The following GLYATL1 variants were observed in gnomAD, a reference collection of about 807,000 sequenced individuals.
GLYATL1 encodes the protein glycine-N-acyltransferase like 1.
GLYATL1 carries 15 observed loss-of-function variants against 20.0 expected under a neutral mutation model. The ratio of observed to expected loss-of-function variants is 0.75; its 90% confidence interval spans 0.50 to 1.15. The LOEUF (loss-of-function observed/expected upper bound fraction) is 1.15, where lower values mean the gene tolerates loss of function less well. Ranked by LOEUF, GLYATL1 falls within the 50% of genes most tolerant of loss-of-function variation. The probability of loss-of-function intolerance (pLI) is 0.00; values close to 1 mark genes in which losing one functional copy is unlikely to be tolerated. For missense variants in GLYATL1, 380 were observed against 368.5 expected (o/e 1.03, Z -0.26); for synonymous variants, 151 against 131.5 (o/e 1.15, Z -1.01).
Position 58,947,136 on chromosome 11 carries a change from T to A in GLYATL1, c.49T>A (p.Leu17Met), listed in dbSNP as rs1305320009. ...SHKLLALYKSLARSIPESLKV... is the reference protein window; with the variant it reads ...SHKLLALYKSMARSIPESLKV... The stretch of plus-strand genomic sequence containing the variant: ...TAAGCTGCTGGCCCTATACAAATCC[T>A]TGGCCAGGAGCATCCCTGAGTCCCT... Residue 17 changes from leucine (L) to methionine (M), a missense_variant, in exon 3 of 7, where the codon TTG becomes ATG. Physicochemically the swap from Leu to Met is conservative, Grantham distance 15. Coordinates refer to ENST00000532726, the MANE Select transcript of GLYATL1 (RefSeq NM_001389712.2). 1 of 1,613,748 alleles carries A rather than the reference T, an allele frequency of 6.2e-7. No individual in the cohort carries two copies. Among genetic ancestry groups the A allele is most frequent in the Non-Finnish European group, 8.5e-7 (1 of 1,179,776 alleles).
upstream of GLYATL1, among the ~76,000 whole-genome samples, chr11:58,925,838 C>T (rs550833588): frequency 6.6e-6 from 1 of 152,172 alleles, no homozygotes; most frequent in South Asian, 2.1e-4. Context: ...TGATTTTTTA[C>T]TATTGCTTGA....
At chr11:58,934,381 G>C (rs907842339) in intron 1 of GLYATL1, 1 of 152,614 alleles carries the variant, frequency 6.6e-6, no homozygotes, top group Admixed American at 6.5e-5. Flanking sequence ...AACCAGCCTG[G>C]AGTCTGATGC....
At chr11:58,941,862 A>C (rs1473141441) in intron 1 of GLYATL1, among the ~76,000 whole-genome samples, 1 of 152,210 alleles carries the variant, frequency 6.6e-6, no homozygotes, top group Non-Finnish European at 1.5e-5. Flanking sequence ...CAGGAGTTGC[A>C]CAAAGACATG....
At chr11:58,955,045 A>G (rs559219430) in intron 5 of GLYATL1, 131 bp from the exon 6 acceptor site, 6 of 1,217,454 alleles carry the variant, frequency 4.9e-6, no homozygotes, top group South Asian at 4.4e-5. Flanking sequence ...GTGGTGTGAC[A>G]AGGACTCCAT....
At chr11:58,917,996 C>A (rs1203968941) in intron 1 of GLYATL1, among the ~76,000 whole-genome samples, 2 of 152,058 alleles carry the variant, frequency 1.3e-5, no homozygotes, top group Non-Finnish European at 1.5e-5. Context: ...GCCTCATTTC[C>A]CCCCTTTGAT....
chr11:58,953,202 T>C (rs1300029164), intron 4 of GLYATL1, among the ~76,000 whole-genome samples: 1 of 152,248 alleles, frequency 6.6e-6, no homozygotes, highest in Non-Finnish European at 1.5e-5. Flanking sequence ...TCATTTCTGA[T>C]ATTTTCTATT....
At chr11:58,920,754 T>A (rs1354516612) in intron 1 of GLYATL1, among the ~76,000 whole-genome samples, 1 of 152,200 alleles carries the variant, frequency 6.6e-6, no homozygotes, top group African/African-American at 2.4e-5. Flanking sequence ...ACCTAAGGTG[T>A]CCCCTTTGGT....
chr11:58,950,469 A>G (rs1255629274), intron 4 of GLYATL1, among the ~76,000 whole-genome samples: 3 of 152,192 alleles, frequency 2.0e-5, no homozygotes, highest in Non-Finnish European at 2.9e-5. Flanking sequence ...TTAGTCAATC[A>G]TTCTCCTGCT....
At chr11:58,917,249 G>C (rs1167484078) in intron 1 of GLYATL1, 2 of 152,260 alleles carry the variant, frequency 1.3e-5, no homozygotes, top group Non-Finnish European at 2.9e-5. Context: ...TCCTCCCCTT[G>C]ACTCCCCTGG....
intron 6 of GLYATL1, 75 bp from the exon 7 acceptor site, chr11:58,955,535 C>T: frequency 6.7e-7 from 1 of 1,494,202 alleles, no homozygotes; most frequent in Non-Finnish European, 9.1e-7. Flanking sequence ...TTCCTGGGAT[C>T]TCTAGATTGG....
intron 1 of GLYATL1, among the ~76,000 whole-genome samples, chr11:58,929,774 C>T (rs567958913): frequency 1.2e-4 from 19 of 152,326 alleles, no homozygotes; most frequent in Admixed American, 4.6e-4. Flanking sequence ...TCTGTACAGT[C>T]CTCTCCTGCC....
intron 2 of GLYATL1, among the ~76,000 whole-genome samples, chr11:58,945,502 G>T (rs502231): frequency 0.037 from 5,654 of 152,216 alleles, 329 homozygotes; most frequent in African/African-American, 0.12. Flanking sequence ...TAGGTGTGGG[G>T]ATTGTTCTCA....
chr11:58,929,911 G>C (rs1855537401), intron 1 of GLYATL1, among the ~76,000 whole-genome samples: 1 of 152,198 alleles, frequency 6.6e-6, no homozygotes, highest in Admixed American at 6.5e-5. Context: ...GCAGTAAGCT[G>C]GGGCAGTCTT....
intron 1 of GLYATL1, among the ~76,000 whole-genome samples, chr11:58,931,192 T>C (rs766030180): frequency 5.9e-5 from 9 of 152,224 alleles, no homozygotes; most frequent in Non-Finnish European, 1.3e-4. Context: ...CCTTGATTTG[T>C]AGTTGGCCAT....
chr11:58,939,675 C>T (rs778500933), intron 1 of GLYATL1, 25 bp downstream of exon 1: 12 of 152,206 alleles, frequency 7.9e-5, no homozygotes, highest in African/African-American at 2.2e-4. Flanking sequence ...TGGGCCCAGA[C>T]AGAAAGATCT....
At chr11:58,916,911 C>T (rs935057136) in intron 1 of GLYATL1, 2 of 152,204 alleles carry the variant, frequency 1.3e-5, no homozygotes, top group African/African-American at 4.8e-5. Flanking sequence ...TTTAAATATC[C>T]TCTAGAGGTT....
rs370131208 is a variant in GLYATL1, at chr11:58,930,183, CT to C, written c.-212+2355del. ...AGGGCTTACTTTATCTTGGCTGCCC[CT>C]ATTACTATCAAATATATAAGTATAA... On this transcript the variant is annotated intron_variant, in intron 1 of 7. Transcript: ENST00000317391. Among the ~76,000 whole-genome samples the C allele has an allele frequency of 1.8e-4, 27 of 152,228 alleles. No individual in the cohort carries two copies. In the South Asian group the frequency reaches 2.3e-3, roughly 13 times the overall value.
chr11:58,909,982 T>C (rs1433055195), downstream of GLYATL1, among the ~76,000 whole-genome samples: 1 of 152,176 alleles, frequency 6.6e-6, no homozygotes, highest in East Asian at 1.9e-4. Context: ...AGAGCTGCAG[T>C]AATATCAGAT....
chr11:58,947,911 G>A lies in GLYATL1; in HGVS notation c.132G>A (p.Val44=), dbSNP rs767422401. 6.2e-7 allele frequency: 1 copy of A among 1,614,078 alleles called. No homozygotes were observed. Among genetic ancestry groups the A allele is most frequent in the South Asian group, 1.1e-5 (1 of 91,082 alleles). ...ACGGGAACCCCTTCAACATGGAGGTGCTGGTGGATTCCTGGCCTGAATATC... is the reference window on the plus strand; with the variant it reads ...ACGGGAACCCCTTCAACATGGAGGTACTGGTGGATTCCTGGCCTGAATATC... ...INHGNPFNME[V]LVDSWPEYQM... Residue 44 remains valine, a synonymous_variant, in exon 4 of 7, where the codon GTG becomes GTA. Coordinates refer to ENST00000532726, the MANE Select transcript of GLYATL1 (RefSeq NM_001389712.2).
Sources: gnomAD v4.1 joint callset for allele counts (sites outside exome capture counted in the v4.1 genomes callset) on GRCh38, gnomAD v4.1.1 for gene constraint, MANE v1.5 for transcripts, NCBI Gene and HGNC (gene_info 2026-07-23, HGNC 2026-07-21) for gene names.